PKP2: variants seen among roughly 807,000 people sequenced by gnomAD.
PKP2 encodes the protein plakophilin-2.
A neutral mutation model predicts 83.4 loss-of-function variants in PKP2; 73 were observed. That is an observed-to-expected ratio of 0.88 (90% confidence interval 0.72 to 1.06). The LOEUF is 1.06. Ranked by LOEUF, PKP2 falls within the 50% of genes least tolerant of loss-of-function variation. The pLI is 0.00. For synonymous variants in PKP2, 409 were observed against 430.4 expected (o/e 0.95, Z 0.62); for missense variants, 966 against 1,065.4 (o/e 0.91, Z 1.30).
intron 4 of PKP2, among the ~76,000 whole-genome samples, chr12:32,854,537 A>G (rs1209269854): frequency 6.6e-6 from 1 of 152,222 alleles, no homozygotes; most frequent in Non-Finnish European, 1.5e-5. Flanking sequence ...ATTAGGACCA[A>G]TGTCAAATAT....
chr12:32,825,413 C>T (rs1003849969), intron 6 of PKP2, among the ~76,000 whole-genome samples: 21 of 151,960 alleles, frequency 1.4e-4, no homozygotes, highest in Admixed American at 1.2e-3. Context: ...CCTTGTGAAC[C>T]GCCCGCCTTG....
At position 32,822,595 on chromosome 12, in the gene PKP2, A is replaced by T. The variant is rs768286281; in HGVS notation, c.1711T>A (p.Ser571Thr). Residue 571 changes from serine (S) to threonine (T), a missense_variant, in exon 8 of 13, where the codon TCC becomes ACC. Ser to Thr is a moderately conservative substitution (Grantham distance 58). Coordinates refer to ENST00000340811, the MANE Select transcript of PKP2 (RefSeq NM_001005242.3). ...ENCVCILHNL[S>T]YQLEAELPEK... The stretch of plus-strand genomic sequence containing the variant: ...GGGAGCTCTGCCTCCAGCTGGTAGG[A>T]GAGGTTATGAAGAATGCACACACAA... 2 of 1,613,980 alleles carry T rather than the reference A, an allele frequency of 1.2e-6. No individual in the cohort carries two copies. Among genetic ancestry groups the T allele is most frequent in the Non-Finnish European group, 1.7e-6 (2 of 1,179,990 alleles).
At chr12:32,798,906 A>G (rs1323701749) in intron 10 of PKP2, among the ~76,000 whole-genome samples, 1 of 152,210 alleles carries the variant, frequency 6.6e-6, no homozygotes, top group African/African-American at 2.4e-5. Context: ...AAAACCAAAA[A>G]TAAGTAAATG....
chr12:32,823,696 G>T (rs1025174603), intron 7 of PKP2, among the ~76,000 whole-genome samples: 2 of 151,574 alleles, frequency 1.3e-5, no homozygotes, highest in African/African-American at 2.4e-5. Context: ...AAGCTCTGGG[G>T]TTCATGCCAT....
rs139959023 is a variant in PKP2 at position 32,847,074 on chromosome 12, T to C, written c.1378+3692A>G. On this transcript the variant is annotated intron_variant, in intron 5 of 12. Transcript: ENST00000340811. The stretch of plus-strand genomic sequence containing the variant: ...GATAAAAAAACAGAAAGCCTTAGCT[T>C]AGTGACCAACACATAATAGGGGTTC... Among the ~76,000 whole-genome samples, 823 of 152,080 alleles carry C rather than the reference T, an allele frequency of 5.4e-3. 10 individuals are homozygous for C. Among genetic ancestry groups the C allele is most frequent in the African/African-American group, 0.019 (770 of 41,482 alleles).
At chr12:32,818,189 T>A (rs1374485671) in intron 9 of PKP2, among the ~76,000 whole-genome samples, 1 of 152,156 alleles carries the variant, frequency 6.6e-6, no homozygotes, top group Non-Finnish European at 1.5e-5. Flanking sequence ...TCAGGCTGGG[T>A]GCAGTGGCTC....
intron 6 of PKP2, among the ~76,000 whole-genome samples, chr12:32,829,260 ATT>A (rs35628018): frequency 7.2e-6 from 1 of 138,462 alleles, no homozygotes; most frequent in African/African-American, 2.7e-5. Context: ...ATTTTTTCTT[ATT>A]TTTTTTTTTT....
Position 32,841,860 on chromosome 12 carries a change from T to C in PKP2, c.1379-655A>G, listed in dbSNP as rs560349253. On this transcript the variant is annotated intron_variant, in intron 5 of 12. Transcript: ENST00000340811. ...GGCTACCTCATGTATCCTTATTTTA[T>C]AGTTTGGCAGTGAAGGAGAGACAAC... 1.5e-3 allele frequency among the ~76,000 whole-genome samples: 230 copies of C among 152,338 alleles called. 1 individual carries two copies. The highest frequency in any genetic ancestry group is 2.8e-3 in the Non-Finnish European group (189 of 68,032).
At chr12:32,893,472 C>A (rs970038876) in intron 1 of PKP2, 1 of 152,184 alleles carries the variant, frequency 6.6e-6, no homozygotes, top group Non-Finnish European at 1.5e-5. Context: ...TACATACGAA[C>A]CACCCCTGGT....
At chr12:32,879,883 A>G (rs1956969898) in intron 1 of PKP2, among the ~76,000 whole-genome samples, 1 of 152,006 alleles carries the variant, frequency 6.6e-6, no homozygotes, top group African/African-American at 2.4e-5. Context: ...AAAAAAAGAA[A>G]AAGAAGGGAG....
intron 1 of PKP2, among the ~76,000 whole-genome samples, chr12:32,892,642 G>A (rs1296392324): frequency 1.3e-5 from 2 of 152,030 alleles, no homozygotes; most frequent in African/African-American, 4.8e-5. Context: ...CACAGATATT[G>A]AAAAGCAGCT....
chr12:32,805,347 C>G (rs1373725577), intron 9 of PKP2, among the ~76,000 whole-genome samples: 1 of 152,114 alleles, frequency 6.6e-6, no homozygotes, highest in African/African-American at 2.4e-5. Flanking sequence ...ATTGCTATTG[C>G]TTTTGGTGTT....
At chr12:32,796,620 C>T (rs576280679) in intron 10 of PKP2, among the ~76,000 whole-genome samples, 26 of 152,076 alleles carry the variant, frequency 1.7e-4, no homozygotes, top group African/African-American at 6.0e-4. Context: ...AGGATGGTCT[C>T]GATCTCCTGA....
At position 32,878,340 on chromosome 12, in the gene PKP2, G is replaced by T. The variant is rs1299659090; in HGVS notation, c.540C>A (p.His180Gln). The stretch of plus-strand genomic sequence containing the variant: ...GGAGGGCGGCCCGCCTGCTTTCTTG[G>T]TGGTGCAGGGTGTGCCCAGCCTGGC... ...QRSQAGHTLHHQESRRAALLV... is the reference protein window; with the variant it reads ...QRSQAGHTLHQQESRRAALLV... The change falls in exon 3 of 13, where the codon CAC becomes CAA. Residue 180 changes from histidine to glutamine, a missense_variant. Coordinates refer to ENST00000340811, the MANE Select transcript of PKP2 (RefSeq NM_001005242.3). 1.2e-6 allele frequency: 2 copies of T among 1,613,076 alleles called. No homozygotes were observed. Among genetic ancestry groups the T allele is most frequent in the Admixed American group, 3.3e-5 (2 of 60,028 alleles).
At chr12:32,865,510 G>C (rs954664856) in intron 4 of PKP2, among the ~76,000 whole-genome samples, 3 of 150,388 alleles carry the variant, frequency 2.0e-5, no homozygotes, top group Non-Finnish European at 4.4e-5. Context: ...ATGAAACCTC[G>C]ACTCCACTAA....
At chr12:32,792,613 A>G (rs987908160) in intron 12 of PKP2, 31 bp downstream of exon 12, 1 of 1,594,054 alleles carries the variant, frequency 6.3e-7, no homozygotes, top group Non-Finnish European at 8.6e-7. Flanking sequence ...GGCTCTGTTA[A>G]CTATGACACA....
rs182633741 is a variant in PKP2 at position 32,874,460 on chromosome 12, A to G, written c.1034+3386T>C. Among the ~76,000 whole-genome samples the G allele has an allele frequency of 2.9e-3, 441 of 152,274 alleles. 2 individuals carry two copies. The highest frequency in any genetic ancestry group is 5.2e-3 in the Admixed American group (80 of 15,292). On this transcript the variant is annotated intron_variant, in intron 3 of 12. Transcript: ENST00000340811. ...AGAGCCAAATTTTCCTTTCATAATC[A>G]GAGAAAAAAAGTTGATTTCTATGAT...
At chr12:32,869,906 G>A (rs181792494) in intron 3 of PKP2, among the ~76,000 whole-genome samples, 1 of 152,060 alleles carries the variant, frequency 6.6e-6, no homozygotes, top group African/African-American at 2.4e-5. Flanking sequence ...GCATGTGCCT[G>A]TAGACCCAGC....
Position 32,821,424 on chromosome 12 carries a change from T to C in PKP2, c.1945A>G (p.Ser649Gly), listed in dbSNP as rs375295635. ...IRMYLSLIAK[S>G]VRNYTQEASL... is the part of the protein sequence containing the mutation. ...GCTTCTTGTGTGTAGTTGCGGACAC[T>C]TTTGGCGATCAAGGACAGATACATC... The change falls in exon 9 of 13, where the codon AGT becomes GGT. Residue 649 changes from serine (S) to glycine (G), a missense_variant. Physicochemically the swap from Ser to Gly is moderately conservative, Grantham distance 56. Coordinates refer to ENST00000340811, the MANE Select transcript of PKP2 (RefSeq NM_001005242.3). The C allele has an allele frequency of 9.9e-6, 16 of 1,614,010 alleles. No homozygotes were observed. Among genetic ancestry groups the C allele is most frequent in the Non-Finnish European group, 1.2e-5 (14 of 1,180,000 alleles).
Sources: gnomAD v4.1 joint callset for allele counts (sites outside exome capture counted in the v4.1 genomes callset) on GRCh38, gnomAD v4.1.1 for gene constraint, MANE v1.5 for transcripts, NCBI Gene and HGNC (gene_info 2026-07-23, HGNC 2026-07-21) for gene names.